Variants in VCL observed in about 807,000 individuals in gnomAD.
VCL encodes vinculin, also known as epididymis luminal protein 114.
A neutral mutation model predicts 125.7 loss-of-function variants in VCL; 47 were observed. The ratio of observed to expected loss-of-function variants is 0.37; its 90% CI spans 0.30 to 0.48. The LOEUF is 0.48. Among genes scored for constraint, VCL ranks in the 20% least tolerant of loss-of-function variants. VCL has a pLI of 0.99. For missense variants in VCL, 1,069 were observed against 1,455.5 expected, an observed-to-expected ratio of 0.73 and a Z score of 4.32; for synonymous variants, 458 against 514.6, an observed-to-expected ratio of 0.89 and a Z score of 1.49.
intron 1 of VCL, among the ~76,000 whole-genome samples, chr10:74,007,376 T>C (rs1338575560): frequency 2.0e-5 from 3 of 152,220 alleles, no homozygotes; most frequent in Non-Finnish European, 2.9e-5. Context: ...CCACAGCCTG[T>C]AGTTCAGCAT....
chr10:74,058,804 G>A (rs1841429137), intron 2 of VCL, among the ~76,000 whole-genome samples: 1 of 152,186 alleles, frequency 6.6e-6, no homozygotes, highest in African/African-American at 2.4e-5. Flanking sequence ...TGGCTTTAGA[G>A]TGAGCTACCT....
intron 10 of VCL, among the ~76,000 whole-genome samples, chr10:74,090,458 A>T (rs1169230559): frequency 6.6e-6 from 1 of 151,824 alleles, no homozygotes; most frequent in Non-Finnish European, 1.5e-5. Context: ...GATGCTAAGA[A>T]CTCCTTTTTT....
At chr10:74,000,399 A>T (rs528322063) in intron 1 of VCL, among the ~76,000 whole-genome samples, 1 of 150,608 alleles carries the variant, frequency 6.6e-6, no homozygotes, top group South Asian at 2.1e-4. Flanking sequence ...CAAGTAGCTG[A>T]AGGCCTTTGT....
chr10:74,017,310 G>A (rs1840565633), intron 1 of VCL, among the ~76,000 whole-genome samples: 1 of 151,934 alleles, frequency 6.6e-6, no homozygotes, highest in Non-Finnish European at 1.5e-5. Context: ...GCCTCCCAAA[G>A]TGCTGGGATT....
chr10:74,032,699 C>CAAA (rs749212293), intron 1 of VCL, among the ~76,000 whole-genome samples: 5 of 138,270 alleles, frequency 3.6e-5, no homozygotes, highest in Admixed American at 7.3e-5. Context: ...GTCTCGGTCT[C>CAAA]AAAAAAAAAA....
chr10:74,047,697 C>T (rs923985538), intron 2 of VCL, among the ~76,000 whole-genome samples: 2 of 152,090 alleles, frequency 1.3e-5, no homozygotes, highest in African/African-American at 4.8e-5. Flanking sequence ...TAGATTTATA[C>T]CTAAGCTATC....
At chr10:74,009,226 C>A (rs112531806) in intron 1 of VCL, among the ~76,000 whole-genome samples, 3,549 of 126,242 alleles carry the variant, frequency 0.028, 398 homozygotes, top group East Asian at 0.057. Context: ...TCCCCCCCCC[C>A]CCCCGAGCCA....
intron 1 of VCL, among the ~76,000 whole-genome samples, chr10:74,000,404 C>G (rs1840204857): frequency 1.3e-5 from 2 of 151,444 alleles, no homozygotes; most frequent in South Asian, 4.2e-4. Flanking sequence ...AGCTGAAGGC[C>G]TTTGTTTGTT....
chr10:74,054,067 G>A (rs1841354270), intron 2 of VCL, among the ~76,000 whole-genome samples: 1 of 152,042 alleles, frequency 6.6e-6, no homozygotes, highest in Non-Finnish European at 1.5e-5. Context: ...ATACAGCTCA[G>A]TTCTAGTGAG....
chr10:74,012,261 A>G (rs568633539), intron 1 of VCL, among the ~76,000 whole-genome samples: 1 of 152,330 alleles, frequency 6.6e-6, no homozygotes, highest in African/African-American at 2.4e-5. Context: ...ATAAGGGTAT[A>G]TGAATAGGCT....
rs574704087 is a variant in VCL at position 74,097,840 on chromosome 10, C to G, written c.1872+508C>G. On this transcript the variant is annotated intron_variant, in intron 13 of 21. Transcript: ENST00000211998. This position sits in a 1 kb window ranked among gnomAD's most constrained non-coding sequence, Gnocchi z 4.1. ...ACTCCCCGCTATCCCAGAGTAAAAC[C>G]AGAGTGCTAACAATGAAGAAAATTG... Among the ~76,000 whole-genome samples, 1 of 152,252 alleles carries G rather than the reference C, an allele frequency of 6.6e-6. No individual in the cohort carries two copies. The highest frequency in any genetic ancestry group is 2.1e-4 in the South Asian group (1 of 4,820).
At chr10:74,023,937 T>C (rs554740181) in intron 1 of VCL, among the ~76,000 whole-genome samples, 21 of 152,226 alleles carry the variant, frequency 1.4e-4, no homozygotes, top group African/African-American at 5.1e-4. Context: ...ACTGAGTCCA[T>C]GCCCAGCTCA....
chr10:74,108,532 C>T (rs182789028), intron 17 of VCL, among the ~76,000 whole-genome samples: 2,559 of 151,238 alleles, frequency 0.017, 76 homozygotes, highest in African/African-American at 0.059. Flanking sequence ...CAGGCTGGAG[C>T]GCAGTGGCAT....
In VCL at chr10:74,100,960, A is replaced by G. The variant is rs748683598; in HGVS notation, c.1885A>G (p.Arg629Gly). Residue 629 changes from arginine (R) to glycine (G), a missense_variant, in exon 14 of 22, where the codon AGG (arginine) becomes GGG (glycine). By Grantham distance (125) the Arg-to-Gly change is moderately radical. Transcript: ENST00000211998. ...TTTTTTCCTCAAGGTATTTGATGAG[A>G]GGGCAGCTAACTTTGAAAACCATTC... ...APNREEVFDE[R>G]AANFENHSGK... The G allele has an allele frequency of 4.3e-6, 7 of 1,614,048 alleles. No homozygotes were observed. Among genetic ancestry groups the G allele is most frequent in the Non-Finnish European group, 5.9e-6 (7 of 1,179,966 alleles).
intron 20 of VCL, 63 bp from the exon 21 acceptor site, chr10:74,114,732 G>A: frequency 6.6e-7 from 1 of 1,516,678 alleles, no homozygotes; most frequent in Non-Finnish European, 9.0e-7. Flanking sequence ...GGTAAGTCTT[G>A]CCTTCAAGGA....
intron 8 of VCL, among the ~76,000 whole-genome samples, chr10:74,085,674 G>T (rs992991270): frequency 2.0e-5 from 3 of 152,096 alleles, no homozygotes; most frequent in Admixed American, 6.5e-5. Flanking sequence ...GAATTTTATG[G>T]TATGGACATT....
At chr10:74,101,545 T>TTTG (rs1311595151) in intron 14 of VCL, among the ~76,000 whole-genome samples, 7 of 134,990 alleles carry the variant, frequency 5.2e-5, no homozygotes, top group African/African-American at 2.0e-4. Context: ...TTTATTAGTT[T>TTTG]TTTTTTTTTT....
chr10:74,042,665 T>C (rs1488170850), intron 1 of VCL, among the ~76,000 whole-genome samples: 1 of 152,222 alleles, frequency 6.6e-6, no homozygotes, highest in Admixed American at 6.5e-5. Context: ...GCTTCAAATA[T>C]TTTTCCCAGT....
chr10:74,051,865 T>G (rs1375695155), intron 2 of VCL, among the ~76,000 whole-genome samples: 2 of 152,182 alleles, frequency 1.3e-5, no homozygotes, highest in African/African-American at 2.4e-5. Flanking sequence ...CCAGTGGTGT[T>G]AGCAACTTTT....
Sources: gnomAD v4.1 joint callset for allele counts (sites outside exome capture counted in the v4.1 genomes callset) on GRCh38, gnomAD v4.1.1 for gene constraint, Gnocchi (gnomAD v3.1) non-coding constraint, MANE v1.5 for transcripts, NCBI Gene and HGNC (gene_info 2026-07-23, HGNC 2026-07-21) for gene names.